Variants in DNAJB12 observed in about 807,000 individuals in gnomAD.
DNAJB12 encodes DnaJ heat shock protein family (Hsp40) member B12.
DNAJB12 carries 14 observed loss-of-function variants against 40.6 expected under a neutral mutation model. That is an observed-to-expected ratio of 0.34 (90% confidence interval 0.23 to 0.54). The LOEUF is 0.54. Among genes scored for constraint, DNAJB12 ranks in the 20% least tolerant of loss-of-function variants. The probability of loss-of-function intolerance (pLI) is 0.92; values close to 1 mark genes in which losing one functional copy is unlikely to be tolerated. For missense variants in DNAJB12, 444 were observed against 501.7 expected (o/e 0.89, Z 1.10); for synonymous variants, 181 against 199.5 (o/e 0.91, Z 0.78).
At chr10:72,338,423 C>T (rs1036022428) in intron 5 of DNAJB12, 112 bp from the exon 6 acceptor site, 4 of 803,816 alleles carry the variant, frequency 5.0e-6, no homozygotes. Flanking sequence ...TGACACCACT[C>T]TGCCGTTCCC....
chr10:72,340,094 C>T (rs1461920424), intron 5 of DNAJB12, among the ~76,000 whole-genome samples: 1 of 152,180 alleles, frequency 6.6e-6, no homozygotes, highest in Non-Finnish European at 1.5e-5. Flanking sequence ...CCCATAATCC[C>T]AGCACTTTGG....
At chr10:72,344,112 G>A (rs1317534376) in intron 2 of DNAJB12, among the ~76,000 whole-genome samples, 4 of 152,040 alleles carry the variant, frequency 2.6e-5, no homozygotes, top group Non-Finnish European at 2.9e-5. Flanking sequence ...ACTGTTCACC[G>A]CAAGCACAGG....
chr10:72,347,805 A>G (rs1404732087), intron 1 of DNAJB12, among the ~76,000 whole-genome samples: 1 of 150,246 alleles, frequency 6.7e-6, no homozygotes, highest in East Asian at 2.0e-4. Context: ...CCCAGCTACT[A>G]GGGAGGCTGA....
chr10:72,342,360 C>T (rs74145757), intron 3 of DNAJB12, among the ~76,000 whole-genome samples: 3,455 of 152,320 alleles, frequency 0.023, 116 homozygotes, highest in East Asian at 0.085. Context: ...CTGAAACCCC[C>T]GGGAATAAGG....
intron 6 of DNAJB12, among the ~76,000 whole-genome samples, chr10:72,337,758 GAA>G (rs1312725890): frequency 6.6e-6 from 1 of 152,134 alleles, no homozygotes; most frequent in Non-Finnish European, 1.5e-5. Context: ...ACAGCCTCAG[GAA>G]GCCCAACCAG....
rs1374167752 is a variant in DNAJB12, at chr10:72,335,785, C to T, written c.*25G>A. 2.5e-5 allele frequency: 41 copies of T among 1,612,838 alleles called. No homozygotes were observed. Among genetic ancestry groups the T allele is most frequent in the Non-Finnish European group, 3.3e-5 (39 of 1,179,396 alleles). Reference sequence around the variant, plus strand: ...GAGGCAGCCCTGGCTCATACTTGGACCTCGGTGGTGTGGCTGGCCCAGGAC... The same window carrying T: ...GAGGCAGCCCTGGCTCATACTTGGATCTCGGTGGTGTGGCTGGCCCAGGAC... On this transcript the variant is annotated 3_prime_UTR_variant, in exon 8 of 9. Transcript: ENST00000444643. This position sits in a 1 kb window ranked among gnomAD's most constrained non-coding sequence, Gnocchi z 4.4.
Position 72,334,520 on chromosome 10 carries a change from CATTTTA to C in DNAJB12, c.*122_*127del, listed in dbSNP as rs1589120818. ...CTGTGCAGCGTTCGGCCTCCAATTC[CATTTTA>C]ATTTTGTTTCTTTGTTTGTCTTTCC... On this transcript the variant is annotated 3_prime_UTR_variant, in exon 9 of 9. Transcript: ENST00000444643. 2.0e-6 allele frequency: 3 copies of C among 1,517,558 alleles called. No individual in the cohort carries two copies. Among genetic ancestry groups the C allele is most frequent in the Non-Finnish European group, 2.7e-6 (3 of 1,130,186 alleles). 94.0% of individuals were successfully genotyped at this position (1,517,558 alleles called of 1,614,324 possible). A position where few individuals can be genotyped will look rare whatever the true frequency, so the allele number is the denominator to read the frequency against.
chr10:72,351,841 G>A (rs1452715986), intron 1 of DNAJB12, among the ~76,000 whole-genome samples: 1 of 152,340 alleles, frequency 6.6e-6, no homozygotes, highest in East Asian at 1.9e-4. Context: ...CAGGCTGACA[G>A]CTCCTTTGGA....
In DNAJB12 at chr10:72,338,214, A is replaced by C; in HGVS notation, c.821T>G (p.Leu274Arg). 1 of 1,614,024 alleles carries C rather than the reference A, an allele frequency of 6.2e-7. No homozygotes were observed. Among genetic ancestry groups the C allele is most frequent in the Non-Finnish European group, 8.5e-7 (1 of 1,179,926 alleles). ...QLMVSSPPYS[L>R]SPRPSVGHIH... The stretch of plus-strand genomic sequence containing the variant: ...CCCATGTACTCACGGTCTTGGACTC[A>C]GACTGTAGGGTGGACTGGAGACCAT... The change falls in exon 6 of 9, where the codon CTG becomes CGG. Residue 274 changes from leucine (L) to arginine (R), a missense_variant. Leu to Arg is a moderately radical substitution (Grantham distance 102, BLOSUM62 -2). Transcript: ENST00000444643.
In DNAJB12 at chr10:72,335,566, G is replaced by A; in HGVS notation, c.*30+214C>T. ...TGGAGCCAGGGAGCAGAGCGGAGGAGTGGGGAGGACAGCATCGCTAGAGGG... is the reference window on the plus strand; with the variant it reads ...TGGAGCCAGGGAGCAGAGCGGAGGAATGGGGAGGACAGCATCGCTAGAGGG... On this transcript the variant is annotated intron_variant, in intron 8 of 8. Coordinates refer to ENST00000444643, the MANE Select transcript of DNAJB12 (RefSeq NM_017626.7). The surrounding 1 kb of genome is among the most constrained non-coding windows in gnomAD (Gnocchi z 4.4). 1 of 1,334,668 alleles carries A rather than the reference G, an allele frequency of 7.5e-7. No homozygotes were observed. The highest frequency in any genetic ancestry group is 9.6e-7 in the Non-Finnish European group (1 of 1,037,416). The allele number at this position is 1,334,668 out of a possible 1,614,324, so 82.7% of individuals were successfully genotyped here. A position where few individuals can be genotyped will look rare whatever the true frequency, so the allele number is the denominator to read the frequency against.
chr10:72,343,562 A>AG (rs776426239), intron 2 of DNAJB12, 51 bp from the exon 3 acceptor site: 2 of 1,600,952 alleles, frequency 1.2e-6, no homozygotes, highest in South Asian at 1.1e-5. Context: ...GGTCTGTGTG[A>AG]GGGGGGCGAT....
At position 72,340,585 on chromosome 10, in the gene DNAJB12, G is replaced by T. The variant is rs531148631; in HGVS notation, c.723+204C>A. Among the ~76,000 whole-genome samples the T allele has an allele frequency of 5.3e-5, 8 of 152,278 alleles. No individual in the cohort carries two copies. In the South Asian group the frequency reaches 1.4e-3, roughly 28 times the overall value. ...AAAGCCGCGCTCCCGCCGGCAATGT[G>T]GAGCATGGCTCCCTCGTGTGGCGCC... On this transcript the variant is annotated intron_variant, in intron 5 of 8. Coordinates refer to ENST00000444643, the MANE Select transcript of DNAJB12 (RefSeq NM_017626.7).
At chr10:72,337,056 G>A (rs1861498451) in intron 6 of DNAJB12, among the ~76,000 whole-genome samples, 1 of 152,212 alleles carries the variant, frequency 6.6e-6, no homozygotes, top group Admixed American at 6.5e-5. Flanking sequence ...GTTGCTGAGT[G>A]CTTGCCTGCC....
intron 1 of DNAJB12, among the ~76,000 whole-genome samples, chr10:72,351,657 C>G (rs1304420017): frequency 6.6e-6 from 1 of 152,242 alleles, no homozygotes; most frequent in African/African-American, 2.4e-5. Flanking sequence ...GTTGCTTCCT[C>G]TGCCTTTGCC....
rs1448363695 is a variant in DNAJB12 at position 72,354,868 on chromosome 10, G to A, written c.30C>T (p.Arg10=). 5.0e-6 allele frequency: 8 copies of A among 1,614,000 alleles called. No individual in the cohort carries two copies. The highest frequency in any genetic ancestry group is 6.8e-6 in the Non-Finnish European group (8 of 1,179,970). The change falls in exon 1 of 9, where the codon CGC becomes CGT. Residue 10 remains arginine (R), a synonymous_variant. Transcript: ENST00000444643. ...TGGCCTTGAGGGCGATGCTGATACA[G>A]CGCTCAGCTTCATCCTTGTTGGATT... MESNKDEAE[R]CISIALKAIQ...
rs1279075051 is a variant in DNAJB12, at chr10:72,333,948, G to A, written c.*700C>T. The A allele has an allele frequency of 6.5e-6, 1 of 153,284 alleles. No individual in the cohort carries two copies. The highest frequency in any genetic ancestry group is 1.5e-5 in the Non-Finnish European group (1 of 68,502). 9.5% of individuals were successfully genotyped at this position (153,284 alleles called of 1,614,324 possible). On this transcript the variant is annotated 3_prime_UTR_variant, in exon 9 of 9. Coordinates refer to ENST00000444643, the MANE Select transcript of DNAJB12 (RefSeq NM_017626.7). ...CATCAAAACCAGGCTGGGGTTTCGG[G>A]GGGCTGTGAAAAGCTCTGATGCGAC...
At chr10:72,340,694 T>G in intron 5 of DNAJB12, 95 bp downstream of exon 5, 1 of 1,239,312 alleles carries the variant, frequency 8.1e-7, no homozygotes, top group Non-Finnish European at 1.2e-6. Flanking sequence ...GGTCCCAGAA[T>G]GGACAGTGTG....
chr10:72,341,259 A>G (rs914000027), intron 3 of DNAJB12, 89 bp from the exon 4 acceptor site: 1 of 1,306,488 alleles, frequency 7.7e-7, no homozygotes, highest in Admixed American at 2.0e-5. Context: ...TTTCTCAGGT[A>G]CTCAAGCAGT....
At chr10:72,342,962 C>T (rs914348594) in intron 3 of DNAJB12, among the ~76,000 whole-genome samples, 1 of 152,154 alleles carries the variant, frequency 6.6e-6, no homozygotes, top group African/African-American at 2.4e-5. Flanking sequence ...AGGCCTGAGG[C>T]CCCCGACCTG....
Sources: gnomAD v4.1 joint callset for allele counts (sites outside exome capture counted in the v4.1 genomes callset) on GRCh38, gnomAD v4.1.1 for gene constraint, Gnocchi (gnomAD v3.1) non-coding constraint, MANE v1.5 for transcripts, NCBI Gene and HGNC (gene_info 2026-07-23, HGNC 2026-07-21) for gene names.